Variants in CADM4 observed in about 807,000 individuals in gnomAD.
CADM4 encodes cell adhesion molecule 4.
In CADM4, 13 loss-of-function variants were observed where a neutral mutation model predicts 43.9. The observed-to-expected ratio is 0.30, with a 90% CI of 0.19 to 0.47. The LOEUF is 0.47. Ranked by LOEUF, CADM4 falls within the 20% of genes least tolerant of loss-of-function variation. The pLI is 1.00. For missense variants in CADM4, 420 were observed against 527.0 expected (o/e 0.80, Z 1.99); for synonymous variants, 209 against 220.9 (o/e 0.95, Z 0.48).
intron 1 of CADM4, among the ~76,000 whole-genome samples, chr19:43,633,648 T>TTCTTTCTC (rs1371536225): frequency 3.1e-5 from 4 of 129,474 alleles, no homozygotes; most frequent in Admixed American, 2.3e-4. Flanking sequence ...TCTTTTTTCT[T>TTCTTTCTC]TCTCTCTTTC....
intron 1 of CADM4, 69 bp downstream of exon 1, chr19:43,639,658 C>T (rs2146166715): frequency 1.1e-6 from 1 of 911,004 alleles, no homozygotes; most frequent in Non-Finnish European, 1.3e-6. Context: ...GGCCCCGAGG[C>T]TGCCGGGCTG....
rs766071297 is a variant in CADM4, at chr19:43,625,946, C to G, written c.720G>C (p.Thr240=). The change falls in exon 6 of 9, where the codon ACG becomes ACC. Residue 240 remains threonine, a synonymous_variant. Transcript: ENST00000222374. This position sits in a 1 kb window ranked among gnomAD's most constrained non-coding sequence, Gnocchi z 4.5. ...ASQAVVREGD[T]LVLTCAVTGN... ...CCGTGACAGCACACGTCAACACCAG[C>G]GTGTCTCCCTCCCTCACCACAGCTT... The G allele has an allele frequency of 6.2e-7, 1 of 1,614,156 alleles. No individual in the cohort carries two copies. The highest frequency in any genetic ancestry group is 8.5e-7 in the Non-Finnish European group (1 of 1,180,028).
At chr19:43,628,618 T>C (rs2146143314) in intron 1 of CADM4, among the ~76,000 whole-genome samples, 1 of 152,240 alleles carries the variant, frequency 6.6e-6, no homozygotes, top group South Asian at 2.1e-4. Flanking sequence ...ATTCCTCCCA[T>C]TGAGAAGGCA....
Position 43,627,004 on chromosome 19 carries a change from T to C in CADM4, c.365-86A>G. On this transcript the variant is annotated intron_variant, in intron 3 of 8. Coordinates refer to ENST00000222374, the MANE Select transcript of CADM4 (RefSeq NM_145296.2). This position sits in a 1 kb window ranked among gnomAD's most constrained non-coding sequence, Gnocchi z 4.0. ...TCGAGCTGCCTGTTCCCAGCGACCA[T>C]AGGGAACCAGGGTCCCAGGTGGCAG... 6.7e-7 allele frequency: 1 copy of C among 1,484,306 alleles called. No individual in the cohort carries two copies. The highest frequency in any genetic ancestry group is 9.0e-7 in the Non-Finnish European group (1 of 1,112,310). The allele number at this position is 1,484,306 out of a possible 1,614,324, so 91.9% of individuals were successfully genotyped here. A position where few individuals can be genotyped will look rare whatever the true frequency, so the allele number is the denominator to read the frequency against.
At position 43,625,998 on chromosome 19, in the gene CADM4, G is replaced by A; in HGVS notation, c.668C>T (p.Ser223Phe). Residue 223 changes from serine to phenylalanine, a missense_variant, in exon 6 of 9, where the codon TCC becomes TTC. Physicochemically the swap from Ser to Phe is radical, Grantham distance 155. Transcript: ENST00000222374. This position sits in a 1 kb window ranked among gnomAD's most constrained non-coding sequence, Gnocchi z 4.5. ...QTQYVLDVQYSPTARIHASQA... is the reference protein window; with the variant it reads ...QTQYVLDVQYFPTARIHASQA... ...GGAGGCATGAATCCGGGCCGTGGGG[G>A]AGTCTGTTAGGCAAAAGTAAGAGGA... is the stretch of plus-strand genomic sequence containing the variant. 8 of 1,614,162 alleles carry A rather than the reference G, an allele frequency of 5.0e-6. No individual in the cohort carries two copies. The highest frequency in any genetic ancestry group is 1.1e-5 in the South Asian group (1 of 91,076).
chr19:43,634,767 G>A (rs1451687349), intron 1 of CADM4, among the ~76,000 whole-genome samples: 4 of 151,444 alleles, frequency 2.6e-5, no homozygotes, highest in Non-Finnish European at 4.4e-5. Flanking sequence ...CAGGTAATGC[G>A]TAAGACCCAG....
chr19:43,640,382 T>G (rs905589550), upstream of CADM4, among the ~76,000 whole-genome samples: 1 of 151,238 alleles, frequency 6.6e-6, no homozygotes, highest in Non-Finnish European at 1.5e-5. Flanking sequence ...CGAGAGGCTG[T>G]GAGCTGAGCC....
At chr19:43,628,092 A>T (rs1040011560) in intron 1 of CADM4, among the ~76,000 whole-genome samples, 1 of 152,134 alleles carries the variant, frequency 6.6e-6, no homozygotes, top group East Asian at 1.9e-4. Flanking sequence ...GTAGCCAGAG[A>T]GGGCTCTGCA....
chr19:43,626,158 G>T lies in CADM4; in HGVS notation c.630C>A (p.His210Gln). Residue 210 changes from histidine to glutamine, a missense_variant, in exon 5 of 9, where the codon CAC (histidine) becomes CAA (glutamine). Transcript: ENST00000222374. The surrounding 1 kb of genome is among the most constrained non-coding windows in gnomAD (Gnocchi z 5.9). ...EAQNQALPSG[H>Q]SKQTQYVLDV... ...CCAGCACGTACTGCGTCTGCTTGCT[G>T]TGTCCGGAGGGCAGCGCCTGGTTCT... 6.2e-7 allele frequency: 1 copy of T among 1,613,948 alleles called. No individual in the cohort carries two copies. The highest frequency in any genetic ancestry group is 8.5e-7 in the Non-Finnish European group (1 of 1,179,966).
Position 43,627,470 on chromosome 19 carries a change from C to A in CADM4, c.212-152G>T. ...GTCCAACTATTTACTCCCTTGAGGACCCAGCATTATTCAAGTCCTCCTGCC... is the reference window on the plus strand; with the variant it reads ...GTCCAACTATTTACTCCCTTGAGGAACCAGCATTATTCAAGTCCTCCTGCC... On this transcript the variant is annotated intron_variant, in intron 2 of 8. Coordinates refer to ENST00000222374, the MANE Select transcript of CADM4 (RefSeq NM_145296.2). This position sits in a 1 kb window ranked among gnomAD's most constrained non-coding sequence, Gnocchi z 4.0. The A allele has an allele frequency of 2.5e-6, 3 of 1,217,128 alleles. No individual in the cohort carries two copies. Among genetic ancestry groups the A allele is most frequent in the Non-Finnish European group, 3.4e-6 (3 of 891,842 alleles). The allele number at this position is 1,217,128 out of a possible 1,614,324, so 75.4% of individuals were successfully genotyped here. A position where few individuals can be genotyped will look rare whatever the true frequency, so the allele number is the denominator to read the frequency against.
rs771204818 is a variant in CADM4, at chr19:43,639,781, C to T, written c.10G>A (p.Ala4Thr). The change falls in exon 1 of 9, where the codon GCC becomes ACC. Residue 4 changes from alanine (A) to threonine (T), a missense_variant. By Grantham distance (58) the Ala-to-Thr change is moderately conservative (BLOSUM62 0). Transcript: ENST00000222374. The part of the protein sequence containing the change: MGR[A>T]RRFQWPLLLL... ...AGCAGCGGCCACTGGAAGCGCCGGG[C>T]CCGGCCCATGGTGCCGCCGCCGCCG... 3.3e-5 allele frequency: 34 copies of T among 1,016,548 alleles called. No individual in the cohort carries two copies. The African/African-American group carries it at 5.1e-4, about 15-fold the overall frequency. The allele number at this position is 1,016,548 out of a possible 1,614,324, so 63.0% of individuals were successfully genotyped here. A position where few individuals can be genotyped will look rare whatever the true frequency, so the allele number is the denominator to read the frequency against.
At chr19:43,624,791 A>T (rs974153105) in intron 7 of CADM4, 2 of 443,682 alleles carry the variant, frequency 4.5e-6, no homozygotes, top group African/African-American at 4.0e-5. Context: ...GCCCATTCCA[A>T]CCACCTTACA....
chr19:43,623,332 A>C lies in CADM4; in HGVS notation c.1165T>G (p.Ter389GlyextTer41). The change falls in exon 9 of 9, where the codon TGA (stop) becomes GGA (glycine). Residue 389 changes from the stop codon to glycine (G), a stop_lost. Transcript: ENST00000222374. This position sits in a 1 kb window ranked among gnomAD's most constrained non-coding sequence, Gnocchi z 4.4. ...GHKRKEEFFI[*>G] ...CTAGGCCTGGGGTGGGGATAGGGTC[A>C]GATGAAGAATTCCTCTTTCCTCTTG... is the stretch of plus-strand genomic sequence containing the variant. 2 of 1,613,030 alleles carry C rather than the reference A, an allele frequency of 1.2e-6. No homozygotes were observed. The highest frequency in any genetic ancestry group is 8.5e-7 in the Non-Finnish European group (1 of 1,179,172).
At position 43,636,920 on chromosome 19, in the gene CADM4, G is replaced by T. The variant is rs375511462; in HGVS notation, c.64+2807C>A. On this transcript the variant is annotated intron_variant, in intron 1 of 8. Transcript: ENST00000222374. ...AGGAAAAAGTGAGTCACCCTGGGAA[G>T]GAAACATTATTTAGGGACCAACAAC... Among the ~76,000 whole-genome samples the T allele has an allele frequency of 7.7e-4, 117 of 152,208 alleles. No individual in the cohort carries two copies. The East Asian group carries it at 0.017, about 22-fold the overall frequency.
Position 43,627,549 on chromosome 19 carries a change from C to A in CADM4, c.211+95G>T. The A allele has an allele frequency of 7.0e-7, 1 of 1,429,750 alleles. No homozygotes were observed. The highest frequency in any genetic ancestry group is 2.2e-5 in the Admixed American group (1 of 45,176). The allele number at this position is 1,429,750 out of a possible 1,614,324, so 88.6% of individuals were successfully genotyped here. On this transcript the variant is annotated intron_variant, in intron 2 of 8. Transcript: ENST00000222374. The surrounding 1 kb of genome is among the most constrained non-coding windows in gnomAD (Gnocchi z 4.0). ...CCTTTCTTCTCCGAGACCCAGGAGA[C>A]CAAACTCTCAGGTGTGTCCTCTTTC...
intron 1 of CADM4, among the ~76,000 whole-genome samples, chr19:43,636,525 A>C (rs914437565): frequency 1.3e-5 from 2 of 152,160 alleles, no homozygotes; most frequent in Non-Finnish European, 2.9e-5. Context: ...GGGTCTGCAC[A>C]GGCGGAAATC....
Position 43,627,168 on chromosome 19 carries a change from A to G in CADM4, c.362T>C (p.Leu121Pro), listed in dbSNP as rs775675696. The stretch of plus-strand genomic sequence containing the variant: ...TCTGACAAGGGGGAGGGCGTTACCT[A>G]GTACCGTGAGCGTGGCAATCTGGTG... ...THHQIATLTV[L>P]VAPENPVVEV... The change falls in exon 3 of 9, where the codon CTA becomes CCA. Residue 121 changes from leucine (L) to proline (P), a missense_variant and splice_region_variant. Leu to Pro is a moderately conservative substitution (Grantham distance 98). Coordinates refer to ENST00000222374, the MANE Select transcript of CADM4 (RefSeq NM_145296.2). The surrounding 1 kb of genome is among the most constrained non-coding windows in gnomAD (Gnocchi z 4.0). 2 of 1,593,402 alleles carry G rather than the reference A, an allele frequency of 1.3e-6. No homozygotes were observed. The highest frequency in any genetic ancestry group is 2.3e-5 in the South Asian group (2 of 88,554).
At position 43,626,836 on chromosome 19, in the gene CADM4, C is replaced by T. The variant is rs1467055937; in HGVS notation, c.447G>A (p.Arg149=). ...GEVELSCLVP[R]SRPAATLRWY... The stretch of plus-strand genomic sequence containing the variant: ...AGCGCAGGGTGGCAGCCGGACGGGA[C>T]CGCGGAACGAGGCAGCTGAGCTCCA... The change falls in exon 4 of 9, where the codon CGG becomes CGA. Residue 149 remains arginine (R), a synonymous_variant. Transcript: ENST00000222374. This position sits in a 1 kb window ranked among gnomAD's most constrained non-coding sequence, Gnocchi z 5.9. 2 of 1,610,664 alleles carry T rather than the reference C, an allele frequency of 1.2e-6. No individual in the cohort carries two copies. The highest frequency in any genetic ancestry group is 1.7e-6 in the Non-Finnish European group (2 of 1,178,580).
At chr19:43,633,849 T>G (rs1335938985) in intron 1 of CADM4, among the ~76,000 whole-genome samples, 1 of 147,626 alleles carries the variant, frequency 6.8e-6, no homozygotes, top group Non-Finnish European at 1.5e-5. Context: ...CCCAGCTAAT[T>G]AAAAAAAAAA....
Sources: gnomAD v4.1 joint callset for allele counts (sites outside exome capture counted in the v4.1 genomes callset) on GRCh38, gnomAD v4.1.1 for gene constraint, Gnocchi (gnomAD v3.1) non-coding constraint, MANE v1.5 for transcripts, NCBI Gene and HGNC (gene_info 2026-07-23, HGNC 2026-07-21) for gene names.